Variants in LYPLA1 observed in about 807,000 individuals in gnomAD.
LYPLA1 encodes the protein acyl-protein thioesterase 1.
Under a neutral mutation model 34.0 loss-of-function variants are expected in LYPLA1, and 17 were observed. The observed-to-expected ratio is 0.50, with a 90% CI of 0.34 to 0.75. LYPLA1 has a LOEUF of 0.75. Ranked by LOEUF, LYPLA1 falls within the 30% of genes least tolerant of loss-of-function variation. The pLI is 0.01. For synonymous variants in LYPLA1, 98 were observed against 100.8 expected (o/e 0.97, Z 0.17); for missense variants, 203 against 288.8 (o/e 0.70, Z 2.15).
chr8:54,095,771 G>C (rs1036166680), intron 2 of LYPLA1, among the ~76,000 whole-genome samples: 14 of 145,600 alleles, frequency 9.6e-5, no homozygotes, highest in Non-Finnish European at 1.9e-4. Flanking sequence ...TTTTTTGGTA[G>C]ACACAGGGTC....
chr8:54,057,935 T>G (rs1048839126), intron 5 of LYPLA1, among the ~76,000 whole-genome samples: 1 of 152,170 alleles, frequency 6.6e-6, no homozygotes, highest in African/African-American at 2.4e-5. Context: ...TGTACACCTA[T>G]GTACTCACAA....
chr8:54,073,481 A>G, intron 2 of LYPLA1: 1 of 756,672 alleles, frequency 1.3e-6, no homozygotes. Context: ...ATGGCATCTC[A>G]TAGCTTCCAG....
chr8:54,087,950 T>C (rs978468950), intron 2 of LYPLA1, among the ~76,000 whole-genome samples: 18 of 152,202 alleles, frequency 1.2e-4, no homozygotes, highest in Non-Finnish European at 1.9e-4. Context: ...CTGGTTTCCA[T>C]TGGCTGGAAC....
downstream of LYPLA1, chr8:54,046,249 C>T (rs752517525): frequency 6.6e-6 from 1 of 151,982 alleles, no homozygotes; most frequent in African/African-American, 2.4e-5. Context: ...TCAACCACAC[C>T]ATCATCAAAA....
downstream of LYPLA1, among the ~76,000 whole-genome samples, chr8:54,046,111 A>G (rs765127764): frequency 6.6e-6 from 1 of 152,148 alleles, no homozygotes; most frequent in Non-Finnish European, 1.5e-5. Context: ...GAAAAAGACA[A>G]AAGATAAACA....
At chr8:54,048,204 T>C in intron 8 of LYPLA1, 86 bp from the exon 9 acceptor site, 1 of 800,338 alleles carries the variant, frequency 1.2e-6, no homozygotes, top group Non-Finnish European at 2.2e-6. Context: ...ATCAAATCTA[T>C]GGTATGCATA....
chr8:54,069,830 T>C (rs1807335956), intron 2 of LYPLA1, among the ~76,000 whole-genome samples: 1 of 151,954 alleles, frequency 6.6e-6, no homozygotes, highest in African/African-American at 2.4e-5. Context: ...AATAAAAAAA[T>C]AGGCAAAAGA....
chr8:54,067,059 A>G (rs1807118551), intron 2 of LYPLA1, among the ~76,000 whole-genome samples: 1 of 151,916 alleles, frequency 6.6e-6, no homozygotes, highest in African/African-American at 2.4e-5. Context: ...AATCCCAGCT[A>G]CTCAGGAGGC....
chr8:54,055,023 C>T, intron 6 of LYPLA1, 37 bp downstream of exon 6: 2 of 1,208,818 alleles, frequency 1.7e-6, no homozygotes, highest in Non-Finnish European at 2.5e-6. Context: ...AATAAGTATA[C>T]TGATGGTACT....
chr8:54,093,265 A>G (rs563089918), intron 2 of LYPLA1, among the ~76,000 whole-genome samples: 2 of 152,316 alleles, frequency 1.3e-5, no homozygotes, highest in African/African-American at 4.8e-5. Context: ...CATCCACCTG[A>G]AACCTCGGAA....
At chr8:54,084,137 A>ATATATATATATACATATAT (rs1563642470) in intron 2 of LYPLA1, among the ~76,000 whole-genome samples, 5 of 120,180 alleles carry the variant, frequency 4.2e-5, no homozygotes, top group African/African-American at 2.3e-4. Flanking sequence ...AAAAAAAATA[A>ATATATATATATACATATAT]ATAAATATAT....
chr8:54,071,116 A>T (rs549477342), intron 2 of LYPLA1, among the ~76,000 whole-genome samples: 1 of 152,352 alleles, frequency 6.6e-6, no homozygotes, highest in Non-Finnish European at 1.5e-5. Flanking sequence ...ACTCTGCAGA[A>T]TATGCAGAAC....
intron 2 of LYPLA1, among the ~76,000 whole-genome samples, chr8:54,074,484 T>C (rs1441325716): frequency 2.0e-5 from 3 of 152,250 alleles, no homozygotes; most frequent in Non-Finnish European, 4.4e-5. Flanking sequence ...CAGCAGTTAA[T>C]AGAATGCATC....
Position 54,046,499 on chromosome 8 carries a change from G to C in LYPLA1, c.*1566C>G, listed in dbSNP as rs1805497756. ...ATAAATAATATCTTGCTGATTTGTAGAAGTGAAATAACAGTTTATGTTCTT... is the reference window on the plus strand; with the variant it reads ...ATAAATAATATCTTGCTGATTTGTACAAGTGAAATAACAGTTTATGTTCTT... On this transcript the variant is annotated 3_prime_UTR_variant, in exon 9 of 9. Coordinates refer to ENST00000316963, the MANE Select transcript of LYPLA1 (RefSeq NM_006330.4). The C allele has an allele frequency of 6.6e-6, 1 of 152,562 alleles. No individual in the cohort carries two copies. The highest frequency in any genetic ancestry group is 2.4e-5 in the African/African-American group (1 of 41,444). The allele number at this position is 152,562 out of a possible 1,614,324, so 9.5% of individuals were successfully genotyped here.
intron 2 of LYPLA1, among the ~76,000 whole-genome samples, chr8:54,099,243 T>C (rs1197571702): frequency 6.6e-6 from 1 of 152,136 alleles, no homozygotes; most frequent in African/African-American, 2.4e-5. Context: ...GGCCATAAAA[T>C]AGAGATTCTG....
chr8:54,098,373 A>G, intron 2 of LYPLA1, among the ~76,000 whole-genome samples: 1 of 151,938 alleles, frequency 6.6e-6, no homozygotes. Flanking sequence ...TTTCATCACA[A>G]TACTCAGAAT....
chr8:54,081,003 T>C (rs929364339), intron 2 of LYPLA1, among the ~76,000 whole-genome samples: 1 of 152,248 alleles, frequency 6.6e-6, no homozygotes, highest in East Asian at 1.9e-4. Flanking sequence ...TACAATCTTT[T>C]GTATGTATTA....
intron 2 of LYPLA1, among the ~76,000 whole-genome samples, chr8:54,084,095 G>A (rs1053344732): frequency 8.5e-5 from 12 of 140,498 alleles, no homozygotes; most frequent in African/African-American, 2.3e-4. Context: ...TTGAGATCAC[G>A]CCACTGCACT....
At chr8:54,054,716 C>T (rs1337277501) in intron 6 of LYPLA1, 3 of 182,124 alleles carry the variant, frequency 1.6e-5, no homozygotes, top group African/African-American at 2.4e-5. Context: ...ACCTGTAATA[C>T]GTGAAGGTAA....
Sources: gnomAD v4.1 joint callset for allele counts (sites outside exome capture counted in the v4.1 genomes callset) on GRCh38, gnomAD v4.1.1 for gene constraint, MANE v1.5 for transcripts, NCBI Gene and HGNC (gene_info 2026-07-23, HGNC 2026-07-21) for gene names.